Variants in HEATR4 observed in about 807,000 individuals in gnomAD.
The protein encoded by HEATR4 is HEAT repeat containing 4.
Under a neutral mutation model 108.8 loss-of-function variants are expected in HEATR4, and 95 were observed. The observed-to-expected ratio is 0.87, with a 90% CI of 0.74 to 1.04. The LOEUF (loss-of-function observed/expected upper bound fraction) is 1.04. Among genes scored for constraint, HEATR4 ranks in the 50% least tolerant of loss-of-function variants. The probability of loss-of-function intolerance (pLI) is 0.00; values close to 1 mark genes in which losing one functional copy is unlikely to be tolerated. For synonymous variants in HEATR4, 443 were observed against 459.4 expected (o/e 0.96, Z 0.46); for missense variants, 1,152 against 1,253.8 (o/e 0.92, Z 1.23).
chr14:73,484,129 T>C (rs141510554), intron 17 of HEATR4, among the ~76,000 whole-genome samples: 138 of 152,180 alleles, frequency 9.1e-4, no homozygotes, highest in African/African-American at 3.2e-3. Flanking sequence ...AGTGCTGGGA[T>C]TGCAGGCGTG....
the HEATR4 span, among the ~76,000 whole-genome samples, chr14:73,607,459 T>C: frequency 3.3e-5 from 5 of 152,196 alleles, no homozygotes; most frequent in Non-Finnish European, 7.3e-5. Flanking sequence ...TTTTCCCTTC[T>C]AGGCCTCCAG....
the HEATR4 span, among the ~76,000 whole-genome samples, chr14:73,580,450 G>A: frequency 1.3e-5 from 2 of 152,022 alleles, no homozygotes; most frequent in African/African-American, 4.8e-5. Context: ...GATAAAGAGA[G>A]TGAGTTTTAT....
chr14:73,514,834 C>T (rs140869459), intron 5 of HEATR4, among the ~76,000 whole-genome samples: 3,737 of 152,000 alleles, frequency 0.025, 163 homozygotes, highest in African/African-American at 0.086. Context: ...TTTGGGAGGC[C>T]GAGGCGAGCA....
chr14:73,506,331 GAAGT>G, intron 10 of HEATR4, 132 bp downstream of exon 10: 1 of 635,548 alleles, frequency 1.6e-6, no homozygotes, highest in South Asian at 1.9e-5. Flanking sequence ...TTCTGGGCTA[GAAGT>G]AAGAAGTAGT....
At chr14:73,590,656 G>C in the HEATR4 span, among the ~76,000 whole-genome samples, 1 of 152,138 alleles carries the variant, frequency 6.6e-6, no homozygotes, top group Non-Finnish European at 1.5e-5. Context: ...CTGAGAAATC[G>C]AGCACAGCAG....
intron 11 of HEATR4, among the ~76,000 whole-genome samples, chr14:73,502,188 T>G (rs1886514689): frequency 2.6e-5 from 4 of 151,948 alleles, no homozygotes; most frequent in Admixed American, 2.0e-4. Context: ...GCCACTGGGC[T>G]GGGCCTCCTG....
the HEATR4 span, among the ~76,000 whole-genome samples, chr14:73,583,072 G>A: frequency 1.1e-4 from 17 of 152,002 alleles, no homozygotes; most frequent in Admixed American, 6.6e-4. Context: ...GGCTGCGCGC[G>A]GTGGCTCACA....
Position 73,509,866 on chromosome 14 carries a change from A to ATT in HEATR4, c.1559-394_1559-393insAA, listed in dbSNP as rs1566832350. On this transcript the variant is annotated intron_variant, in intron 7 of 17. Transcript: ENST00000553558. ...TATATATATATATATATATATATATATATTTATTTATTTTATATATTTTTT... is the reference window on the plus strand; with the variant it reads ...TATATATATATATATATATATATATATTTATTTATTTATTTTATATATTTTTT... 1.3e-4 allele frequency among the ~76,000 whole-genome samples: 9 copies of ATT among 67,500 alleles called. 1 individual carries two copies. The highest frequency in any genetic ancestry group is 3.1e-4 in the African/African-American group (5 of 15,960). 44.3% of individuals were successfully genotyped at this position (67,500 alleles called of 152,430 possible). A position where few individuals can be genotyped will look rare whatever the true frequency, so the allele number is the denominator to read the frequency against.
the HEATR4 span, chr14:73,593,907 TCTC>T: frequency 6.2e-7 from 1 of 1,607,278 alleles, no homozygotes; most frequent in African/African-American, 1.3e-5. Flanking sequence ...ATCCCCAGGT[TCTC>T]CTCATGTCCT....
At chr14:73,612,114 T>C in the HEATR4 span, among the ~76,000 whole-genome samples, 1 of 151,922 alleles carries the variant, frequency 6.6e-6, no homozygotes, top group East Asian at 1.9e-4. Flanking sequence ...CAATCTTGGC[T>C]CAATGCAACC....
At chr14:73,522,072 A>C (rs1341221806) in intron 3 of HEATR4, among the ~76,000 whole-genome samples, 200 bp downstream of exon 3, 2 of 152,220 alleles carry the variant, frequency 1.3e-5, no homozygotes. Context: ...CTCCCACAAC[A>C]AAAATTATCC....
At chr14:73,593,337 T>TC in the HEATR4 span, among the ~76,000 whole-genome samples, 1 of 11,694 alleles carries the variant, frequency 8.6e-5, no homozygotes, top group Admixed American at 1.7e-3. Context: ...TCTTTCTTTC[T>TC]TTTTTTTTTT....
At chr14:73,486,142 C>T (rs979778658) in intron 17 of HEATR4, among the ~76,000 whole-genome samples, 2 of 152,160 alleles carry the variant, frequency 1.3e-5, no homozygotes, top group African/African-American at 4.8e-5. Flanking sequence ...GTACTATTGA[C>T]ATTTGGGCCC....
chr14:73,600,485 CTT>C, the HEATR4 span, among the ~76,000 whole-genome samples: 12 of 151,724 alleles, frequency 7.9e-5, no homozygotes, highest in Admixed American at 1.3e-4. Context: ...GAGTTTTGCT[CTT>C]GTTTCCCAGG....
chr14:73,537,397 C>T lies in HEATR4; in HGVS notation c.-151-7153G>A. 3 of 1,234,020 alleles carry T rather than the reference C, an allele frequency of 2.4e-6. 1 individual carries two copies. The highest frequency in any genetic ancestry group is 2.6e-5 in the Admixed American group (1 of 38,718). 76.4% of individuals were successfully genotyped at this position (1,234,020 alleles called of 1,614,324 possible). Reference sequence around the variant, plus strand: ...GGTCTCCACAGCTGAGGCAGTTTGGCCGGATTATTTGGGTTCCTGCTCGGA... The same window carrying T: ...GGTCTCCACAGCTGAGGCAGTTTGGTCGGATTATTTGGGTTCCTGCTCGGA... On this transcript the variant is annotated intron_variant, in intron 1 of 17. Transcript: ENST00000553558.
intron 2 of HEATR4, among the ~76,000 whole-genome samples, chr14:73,529,792 G>T (rs1888594471): frequency 2.0e-5 from 3 of 151,892 alleles, no homozygotes; most frequent in South Asian, 4.2e-4. Flanking sequence ...AGAGGAAACT[G>T]CCTTGAAAGA....
chr14:73,562,970 C>A (rs539633798), upstream of HEATR4, among the ~76,000 whole-genome samples: 43 of 152,132 alleles, frequency 2.8e-4, no homozygotes, highest in African/African-American at 1.0e-3. Context: ...CCTATTCCCT[C>A]AGAAGCATGT....
chr14:73,525,804 T>C (rs1029854502), intron 2 of HEATR4, among the ~76,000 whole-genome samples: 4 of 151,888 alleles, frequency 2.6e-5, no homozygotes, highest in African/African-American at 9.7e-5. Context: ...AATACAAAAA[T>C]TAGCTGGGCG....
rs181075358 is a variant in HEATR4 at position 73,546,630 on chromosome 14, C to T, written c.-152+12121G>A. ...CTGTCCATCTTGGCCTACCAAACTG[C>T]TTGGATTATAGGCATGAGCAACCGG... On this transcript the variant is annotated intron_variant, in intron 1 of 17. Transcript: ENST00000553558. Among the ~76,000 whole-genome samples the T allele has an allele frequency of 1.4e-4, 16 of 114,864 alleles. 6 individuals are homozygous for T. The highest frequency in any genetic ancestry group is 7.6e-5 in the Non-Finnish European group (4 of 52,540). The allele number at this position is 114,864 out of a possible 152,430, so 75.4% of individuals were successfully genotyped here.
Sources: allele counts gnomAD v4.1 joint callset (sites outside exome capture counted in the v4.1 genomes callset), GRCh38; gene constraint gnomAD v4.1.1; transcripts MANE v1.5; gene names NCBI Gene and HGNC (gene_info 2026-07-23, HGNC 2026-07-21).